NAV2: variants seen among roughly 807,000 people sequenced by gnomAD.
NAV2 encodes the protein helicase, APC down-regulated 1.
Under a neutral mutation model 223.2 loss-of-function variants are expected in NAV2, and 54 were observed. The observed-to-expected ratio is 0.24, with a 90% confidence interval of 0.19 to 0.30. NAV2 has a LOEUF of 0.30. NAV2 is among the 10% of genes least tolerant of loss of function. NAV2 has a pLI of 1.00. For synonymous variants in NAV2, 1,279 were observed against 1,239.3 expected (o/e 1.03, Z -0.67); for missense variants, 2,806 against 3,147.5 (o/e 0.89, Z 2.60).
upstream of NAV2, among the ~76,000 whole-genome samples, chr11:19,346,315 C>T (rs997034635): frequency 1.6e-4 from 25 of 152,306 alleles, no homozygotes; most frequent in South Asian, 1.7e-3. Flanking sequence ...TCTGTCCATA[C>T]GTGTGTATGT....
In NAV2 at chr11:19,688,131, C is replaced by T. The variant is rs150182172; in HGVS notation, c.76-144353C>T. On this transcript the variant is annotated intron_variant, in intron 1 of 37. Transcript: ENST00000360655. ...GGGGAAGGTCTACCTAGAGTTGGCT[C>T]ATTATCAAGCTGAAGTATTCTTACA... Among the ~76,000 whole-genome samples the T allele has an allele frequency of 1.8e-3, 273 of 152,310 alleles. 1 individual carries two copies. Among genetic ancestry groups the T allele is most frequent in the African/African-American group, 6.3e-3 (263 of 41,564 alleles).
intron 16 of NAV2, among the ~76,000 whole-genome samples, chr11:20,050,273 C>A (rs1278298622): frequency 1.3e-5 from 2 of 152,154 alleles, no homozygotes; most frequent in African/African-American, 4.8e-5. Context: ...AATGACCTGC[C>A]ACCCACTGTG....
At chr11:20,106,626 G>GTTGTTTTTGTTT (rs537124623) in intron 35 of NAV2, among the ~76,000 whole-genome samples, 3,042 of 149,582 alleles carry the variant, frequency 0.02, 110 homozygotes, top group African/African-American at 0.071. Flanking sequence ...CTACTCAGTT[G>GTTGTTTTTGTTT]TTGTTTTTGT....
At chr11:20,041,047 C>T (rs1316257927) in intron 12 of NAV2, among the ~76,000 whole-genome samples, 4 of 152,132 alleles carry the variant, frequency 2.6e-5, no homozygotes, top group Admixed American at 2.0e-4. Context: ...GCTGTCTCTG[C>T]CACTGATGGA....
chr11:19,371,194 T>C (rs1015173508), intron 1 of NAV2, among the ~76,000 whole-genome samples: 3 of 152,222 alleles, frequency 2.0e-5, no homozygotes, highest in Admixed American at 6.5e-5. Flanking sequence ...TTTACATGCA[T>C]TATTTCATTT....
chr11:20,078,801 T>A (rs1471002242), intron 24 of NAV2, among the ~76,000 whole-genome samples: 1 of 152,210 alleles, frequency 6.6e-6, no homozygotes, highest in African/African-American at 2.4e-5. Context: ...TTGTGTATCT[T>A]GGGGTAATGT....
At chr11:19,590,231 CAA>C (rs1354029955) in intron 1 of NAV2, among the ~76,000 whole-genome samples, 1 of 152,222 alleles carries the variant, frequency 6.6e-6, no homozygotes, top group Non-Finnish European at 1.5e-5. Context: ...ACTAAACACT[CAA>C]AATCAGCTAT....
intron 1 of NAV2, among the ~76,000 whole-genome samples, chr11:19,508,639 C>T (rs16936838): frequency 0.023 from 3,491 of 152,260 alleles, 129 homozygotes; most frequent in African/African-American, 0.08. Flanking sequence ...CTAAGTTCCC[C>T]GTCCTGTACT....
At chr11:20,076,573 A>G (rs1173229804) in intron 22 of NAV2, among the ~76,000 whole-genome samples, 3 of 152,176 alleles carry the variant, frequency 2.0e-5, no homozygotes, top group Admixed American at 6.5e-5. Context: ...AAACAGCTCC[A>G]TTCTTTATTT....
chr11:19,836,675 C>T (rs2060256942), intron 2 of NAV2, among the ~76,000 whole-genome samples: 2 of 152,062 alleles, frequency 1.3e-5, no homozygotes, highest in Non-Finnish European at 2.9e-5. Context: ...CCTTTTCAGG[C>T]ACTAGTTCTA....
At chr11:19,953,024 T>C (rs1334507707) in intron 10 of NAV2, among the ~76,000 whole-genome samples, 2 of 152,226 alleles carry the variant, frequency 1.3e-5, no homozygotes, top group Non-Finnish European at 2.9e-5. Context: ...TTTCTCTTAC[T>C]AGGTTTTGAT....
intron 1 of NAV2, among the ~76,000 whole-genome samples, chr11:19,736,616 C>G (rs2052324561): frequency 6.6e-6 from 1 of 152,202 alleles, no homozygotes; most frequent in Non-Finnish European, 1.5e-5. Flanking sequence ...CACTGAAGTG[C>G]TCACATTTTG....
intron 1 of NAV2, among the ~76,000 whole-genome samples, chr11:19,775,931 ACT>A (rs1396602108): frequency 6.6e-6 from 1 of 152,132 alleles, no homozygotes; most frequent in African/African-American, 2.4e-5. Context: ...GGATTTTTAA[ACT>A]CTGAAAGGAA....
At chr11:19,821,642 T>A (rs867769006) in intron 1 of NAV2, among the ~76,000 whole-genome samples, 3 of 152,196 alleles carry the variant, frequency 2.0e-5, no homozygotes, top group Non-Finnish European at 4.4e-5. Flanking sequence ...TGGTAACTCA[T>A]GTTATATTGG....
intron 1 of NAV2, among the ~76,000 whole-genome samples, chr11:19,363,867 G>A (rs763490670): frequency 2.0e-5 from 3 of 152,214 alleles, no homozygotes; most frequent in African/African-American, 4.8e-5. Context: ...TTGGAAAATG[G>A]CAAATGGAAG....
At chr11:19,859,918 G>A (rs2061614501) in intron 3 of NAV2, among the ~76,000 whole-genome samples, 1 of 133,322 alleles carries the variant, frequency 7.5e-6, no homozygotes, top group Non-Finnish European at 1.6e-5. Context: ...GGGCAGAGGG[G>A]CTCCTCACTT....
At chr11:19,992,722 G>A (rs2051465109) in intron 11 of NAV2, among the ~76,000 whole-genome samples, 1 of 151,556 alleles carries the variant, frequency 6.6e-6, no homozygotes, top group African/African-American at 2.4e-5. Flanking sequence ...TGAGTAGCTG[G>A]GATTACAGGT....
At chr11:19,594,445 A>G (rs1341601124) in intron 1 of NAV2, among the ~76,000 whole-genome samples, 1 of 145,574 alleles carries the variant, frequency 6.9e-6, no homozygotes, top group East Asian at 2.0e-4. Flanking sequence ...TTTTTTTTTT[A>G]AAGAAGGGAT....
chr11:20,002,086 T>A (rs534726032), intron 11 of NAV2, among the ~76,000 whole-genome samples: 9 of 152,288 alleles, frequency 5.9e-5, no homozygotes, highest in African/African-American at 1.9e-4. Context: ...CTTCTACTTG[T>A]ACGTTCACAT....
Sources: gnomAD v4.1 joint callset for allele counts (sites outside exome capture counted in the v4.1 genomes callset) on GRCh38, gnomAD v4.1.1 for gene constraint, MANE v1.5 for transcripts, NCBI Gene and HGNC (gene_info 2026-07-23, HGNC 2026-07-21) for gene names.